Variants in CDH13 observed in about 807,000 individuals in gnomAD.
The protein encoded by CDH13 is cadherin-13.
CDH13 carries 24 observed loss-of-function variants against 63.8 expected under a neutral mutation model. The ratio of observed to expected loss-of-function variants is 0.38; its 90% confidence interval spans 0.27 to 0.53. The LOEUF (loss-of-function observed/expected upper bound fraction) is 0.53, where lower values mean the gene tolerates loss of function less well. Ranked by LOEUF, CDH13 falls within the 20% of genes least tolerant of loss-of-function variation. The pLI, the probability that CDH13 is intolerant of heterozygous loss-of-function variation, is 0.85. For synonymous variants in CDH13, 503 were observed against 355.3 expected (o/e 1.42, Z -4.67); for missense variants, 1,049 against 903.1 (o/e 1.16, Z -2.07).
chr16:83,301,820 C>T (rs922811398), intron 5 of CDH13, among the ~76,000 whole-genome samples: 3 of 151,100 alleles, frequency 2.0e-5, no homozygotes, highest in Non-Finnish European at 4.4e-5. Flanking sequence ...AGAGTCACCA[C>T]TATTCATTTT....
chr16:83,601,406 G>A (rs961620341), intron 7 of CDH13, among the ~76,000 whole-genome samples: 2 of 152,146 alleles, frequency 1.3e-5, no homozygotes, highest in African/African-American at 2.4e-5. Flanking sequence ...CAAATATTGA[G>A]ATGAAAAACA....
intron 13 of CDH13, among the ~76,000 whole-genome samples, chr16:83,788,319 C>A (rs555371881): frequency 6.6e-6 from 1 of 152,162 alleles, no homozygotes; most frequent in African/African-American, 2.4e-5. Context: ...GATTTCCAGG[C>A]CCATCCAACC....
chr16:83,309,270 T>A (rs929892138), intron 5 of CDH13, among the ~76,000 whole-genome samples: 1 of 152,170 alleles, frequency 6.6e-6, no homozygotes, highest in African/African-American at 2.4e-5. Context: ...AGTACTGGGA[T>A]CTTTGGGAAA....
chr16:82,905,284 C>T lies in CDH13; in HGVS notation c.157+46811C>T, dbSNP rs117646271. On this transcript the variant is annotated intron_variant, in intron 2 of 13. Transcript: ENST00000567109. ...AGGTTAAGAGGTTAAGCAACTTGCTCAGGTCACGCAGCAATTTATAATATA... is the reference window on the plus strand; with the variant it reads ...AGGTTAAGAGGTTAAGCAACTTGCTTAGGTCACGCAGCAATTTATAATATA... Among the ~76,000 whole-genome samples, 372 of 152,274 alleles carry T rather than the reference C, an allele frequency of 2.4e-3. 1 individual carries two copies. The highest frequency in any genetic ancestry group is 3.1e-3 in the Non-Finnish European group (208 of 68,022).
intron 2 of CDH13, among the ~76,000 whole-genome samples, chr16:82,902,211 C>T (rs2041495080): frequency 1.3e-5 from 2 of 152,126 alleles, no homozygotes; most frequent in East Asian, 3.9e-4. Context: ...CGTAAATGTG[C>T]CCTAACCTCC....
intron 5 of CDH13, among the ~76,000 whole-genome samples, chr16:83,254,332 G>A (rs1905951617): frequency 6.6e-6 from 1 of 152,182 alleles, no homozygotes; most frequent in Admixed American, 6.5e-5. Context: ...ATGGTGCCAA[G>A]GTCCTCTTGG....
intron 1 of CDH13, among the ~76,000 whole-genome samples, chr16:82,855,417 C>T (rs146602757): frequency 2.0e-5 from 3 of 152,300 alleles, no homozygotes; most frequent in East Asian, 3.9e-4. Context: ...GTTTCCTGGT[C>T]TGGGAGCTGA....
chr16:82,849,923 G>GA (rs1370378137), intron 1 of CDH13, among the ~76,000 whole-genome samples: 1 of 152,210 alleles, frequency 6.6e-6, no homozygotes, highest in Non-Finnish European at 1.5e-5. Flanking sequence ...CTGCTGCTCA[G>GA]AAAACTATAT....
intron 11 of CDH13, among the ~76,000 whole-genome samples, chr16:83,764,151 G>A: frequency 6.6e-6 from 1 of 152,188 alleles, no homozygotes; most frequent in East Asian, 1.9e-4. Flanking sequence ...TTCTAAGCAT[G>A]TCATTACAGA....
At chr16:82,957,359 A>G (rs1438389043) in intron 2 of CDH13, among the ~76,000 whole-genome samples, 1 of 152,222 alleles carries the variant, frequency 6.6e-6, no homozygotes, top group Admixed American at 6.5e-5. Flanking sequence ...CCTTCCAAAC[A>G]TGGCAATCCT....
At chr16:83,366,948 T>C (rs750716556) in intron 6 of CDH13, among the ~76,000 whole-genome samples, 30 of 152,206 alleles carry the variant, frequency 2.0e-4, no homozygotes, top group Non-Finnish European at 3.5e-4. Context: ...TCTTTGTTTT[T>C]GGCATATAAC....
At chr16:82,639,507 C>A (rs1350915603) in intron 1 of CDH13, 4 of 1,338,532 alleles carry the variant, frequency 3.0e-6, no homozygotes, top group Non-Finnish European at 4.1e-6. Flanking sequence ...GGATGGAATT[C>A]TTCCCTAGGG....
chr16:83,532,956 C>T (rs1048901930), intron 7 of CDH13, among the ~76,000 whole-genome samples: 1 of 152,244 alleles, frequency 6.6e-6, no homozygotes, highest in Non-Finnish European at 1.5e-5. Context: ...CAGCCACCAG[C>T]TGTTTCTAAC....
At chr16:82,965,605 C>G (rs1597314547) in intron 2 of CDH13, among the ~76,000 whole-genome samples, 1 of 152,124 alleles carries the variant, frequency 6.6e-6, no homozygotes, top group Non-Finnish European at 1.5e-5. Context: ...GATCTTGGCT[C>G]ACTGCAACCT....
At chr16:82,752,215 G>C (rs1238901664) in intron 1 of CDH13, among the ~76,000 whole-genome samples, 1 of 152,174 alleles carries the variant, frequency 6.6e-6, no homozygotes, top group Non-Finnish European at 1.5e-5. Flanking sequence ...GGCCTGAGGT[G>C]CAAGAACAAT....
At chr16:83,009,181 G>C (rs1913862386) in intron 2 of CDH13, among the ~76,000 whole-genome samples, 1 of 152,180 alleles carries the variant, frequency 6.6e-6, no homozygotes, top group African/African-American at 2.4e-5. Context: ...TCATTCAAGA[G>C]AATGAATGAC....
At chr16:83,395,220 A>T (rs1395722091) in intron 6 of CDH13, among the ~76,000 whole-genome samples, 1 of 151,216 alleles carries the variant, frequency 6.6e-6, no homozygotes, top group Non-Finnish European at 1.5e-5. Flanking sequence ...AGGCTGAGGC[A>T]GGAGAATCAC....
chr16:83,257,085 C>A (rs1351202623), intron 5 of CDH13, among the ~76,000 whole-genome samples: 1 of 152,016 alleles, frequency 6.6e-6, no homozygotes, highest in Non-Finnish European at 1.5e-5. Context: ...AGGAACCATA[C>A]AGGCACCTAG....
chr16:83,349,493 G>A (rs1341068131), intron 6 of CDH13, among the ~76,000 whole-genome samples: 1 of 152,154 alleles, frequency 6.6e-6, no homozygotes, highest in Non-Finnish European at 1.5e-5. Context: ...GATGAAGATT[G>A]AGGCCTGCCT....
Sources: gnomAD v4.1 joint callset for allele counts (sites outside exome capture counted in the v4.1 genomes callset) on GRCh38, gnomAD v4.1.1 for gene constraint, MANE v1.5 for transcripts, NCBI Gene and HGNC (gene_info 2026-07-23, HGNC 2026-07-21) for gene names.